KLHL18: variants seen among roughly 807,000 people sequenced by gnomAD.
The protein encoded by KLHL18 is kelch-like protein 18.
In KLHL18, 38 loss-of-function variants were observed where a neutral mutation model predicts 58.5. The ratio of observed to expected loss-of-function variants is 0.65; its 90% CI spans 0.50 to 0.85. KLHL18 has a LOEUF of 0.85. KLHL18 is among the 40% of genes least tolerant of loss of function. KLHL18 has a pLI of 0.00. For synonymous variants in KLHL18, 303 were observed against 301.9 expected, an observed-to-expected ratio of 1.00 and a Z score of -0.04; for missense variants, 624 against 778.4, an observed-to-expected ratio of 0.80 and a Z score of 2.36.
intron 3 of KLHL18, among the ~76,000 whole-genome samples, chr3:47,325,773 CT>C (rs1293020257): frequency 2.2e-3 from 316 of 140,566 alleles, no homozygotes; most frequent in Admixed American, 2.8e-3. Context: ...TATTTTCTTG[CT>C]TTTTTTTTTT....
chr3:47,340,782 T>G (rs1704093146), intron 8 of KLHL18, 106 bp downstream of exon 8: 2 of 1,300,788 alleles, frequency 1.5e-6, no homozygotes, highest in Non-Finnish European at 2.2e-6. Flanking sequence ...AGAGAATGTC[T>G]TACCTTTTTG....
intron 1 of KLHL18, among the ~76,000 whole-genome samples, chr3:47,311,377 A>G (rs2107613033): frequency 6.6e-6 from 1 of 152,192 alleles, no homozygotes; most frequent in East Asian, 1.9e-4. Flanking sequence ...TTACCAAAGG[A>G]ATAGTATGTT....
chr3:47,320,774 C>T (rs1385812007), intron 2 of KLHL18, among the ~76,000 whole-genome samples: 4 of 152,092 alleles, frequency 2.6e-5, no homozygotes, highest in Admixed American at 6.6e-5. Context: ...TTTTAATTAG[C>T]TGGGCATGGT....
At chr3:47,323,896 G>T (rs957218204) in intron 3 of KLHL18, among the ~76,000 whole-genome samples, 2 of 152,142 alleles carry the variant, frequency 1.3e-5, no homozygotes, top group Admixed American at 6.6e-5. Flanking sequence ...GCAGCTTATG[G>T]ACCACACCCG....
At chr3:47,335,462 G>A (rs1240745758) in intron 6 of KLHL18, among the ~76,000 whole-genome samples, 2 of 151,962 alleles carry the variant, frequency 1.3e-5, no homozygotes, top group Admixed American at 1.3e-4. Flanking sequence ...TCCCAACTTG[G>A]GGGCAGTTGG....
chr3:47,307,959 T>C (rs1703188423), intron 1 of KLHL18, among the ~76,000 whole-genome samples: 1 of 152,218 alleles, frequency 6.6e-6, no homozygotes, highest in Non-Finnish European at 1.5e-5. Context: ...TGTTGACATC[T>C]GATAGGGCAG....
At position 47,346,763 on chromosome 3, in the gene KLHL18, T is replaced by A. The variant is rs915439818; in HGVS notation, c.*2822T>A. The A allele has an allele frequency of 6.6e-6, 1 of 152,660 alleles. No homozygotes were observed. The highest frequency in any genetic ancestry group is 2.1e-4 in the South Asian group (1 of 4,830). The allele number at this position is 152,660 out of a possible 1,614,324, so 9.5% of individuals were successfully genotyped here. ...ATCTTAGTTCCTTTTATTTATAGAA[T>A]GCATGTCTTTTGTGTTAAGAAACCA... is the stretch of plus-strand genomic sequence containing the variant. On this transcript the variant is annotated 3_prime_UTR_variant, in exon 10 of 10. Transcript: ENST00000232766.
chr3:47,340,516 G>A (rs1704083592), intron 7 of KLHL18, 56 bp from the exon 8 acceptor site: 1 of 1,611,946 alleles, frequency 6.2e-7, no homozygotes, highest in Non-Finnish European at 8.5e-7. Flanking sequence ...GTGGGCAAGA[G>A]AGGCTGCTCC....
At chr3:47,331,042 A>C (rs1703846839) in intron 4 of KLHL18, among the ~76,000 whole-genome samples, 1 of 150,996 alleles carries the variant, frequency 6.6e-6, no homozygotes, top group Non-Finnish European at 1.5e-5. Flanking sequence ...TAGTATAGAT[A>C]ACTTTTTGAA....
intron 1 of KLHL18, among the ~76,000 whole-genome samples, chr3:47,291,233 T>C (rs1380987199): frequency 1.3e-5 from 2 of 152,240 alleles, no homozygotes; most frequent in African/African-American, 2.4e-5. Context: ...AAATGTGTGT[T>C]CCTAGCCCTT....
intron 1 of KLHL18, among the ~76,000 whole-genome samples, chr3:47,306,548 TTTTTA>T (rs1172359780): frequency 6.6e-6 from 1 of 152,190 alleles, no homozygotes; most frequent in Non-Finnish European, 1.5e-5. Context: ...TTTAGGTGGT[TTTTTA>T]TTTTGTTTAG....
At chr3:47,304,839 C>G (rs193175152) in intron 1 of KLHL18, among the ~76,000 whole-genome samples, 2 of 152,204 alleles carry the variant, frequency 1.3e-5, no homozygotes, top group Admixed American at 1.3e-4. Flanking sequence ...GCATGGGCAA[C>G]ATAGTGAAAT....
At chr3:47,317,902 A>C (rs541320552) in intron 1 of KLHL18, among the ~76,000 whole-genome samples, 1 of 151,884 alleles carries the variant, frequency 6.6e-6, no homozygotes, top group African/African-American at 2.4e-5. Context: ...TGTTTTTGAG[A>C]CTCCATCCCA....
Position 47,330,037 on chromosome 3 carries a change from T to C in KLHL18, c.488T>C (p.Ile163Thr), listed in dbSNP as rs375699960. The change falls in exon 4 of 10, where the codon ATC becomes ACC. Residue 163 changes from isoleucine (I) to threonine (T), a missense_variant. Transcript: ENST00000232766. ...AVLYDAANSF[I>T]HQHFVEVSMS... ...CTGTACGACGCTGCCAACAGCTTCA[T>C]CCACCAGCACTTTGTGGAGGTGTCC... is the stretch of plus-strand genomic sequence containing the variant. The C allele has an allele frequency of 1.2e-6, 2 of 1,614,030 alleles. No individual in the cohort carries two copies. Among genetic ancestry groups the C allele is most frequent in the Non-Finnish European group, 8.5e-7 (1 of 1,180,012 alleles).
chr3:47,333,522 T>C (rs920060873), intron 5 of KLHL18, among the ~76,000 whole-genome samples: 6 of 152,188 alleles, frequency 3.9e-5, no homozygotes, highest in Non-Finnish European at 2.9e-5. Flanking sequence ...AGATGTGCCA[T>C]GTGGGAGCAT....
At chr3:47,336,825 G>C (rs1347904410) in intron 7 of KLHL18, 68 bp downstream of exon 7, 2 of 1,247,778 alleles carry the variant, frequency 1.6e-6, no homozygotes, top group Non-Finnish European at 2.3e-6. Context: ...TGCTAGACGA[G>C]CAGGGGCACA....
intron 1 of KLHL18, among the ~76,000 whole-genome samples, chr3:47,285,648 G>T (rs1440182709): frequency 1.3e-5 from 2 of 152,212 alleles, no homozygotes; most frequent in Non-Finnish European, 2.9e-5. Flanking sequence ...GCGTGGGATG[G>T]TCACAGATAC....
rs754544307 is a variant in KLHL18, at chr3:47,283,016, G to A, written c.51G>A (p.Val17=). Residue 17 remains valine, a synonymous_variant, in exon 1 of 10, where the codon GTG becomes GTA. Transcript: ENST00000232766. ...EELEDLVHFS[V]SELPSRGYGV... is the part of the protein sequence containing the mutation. ...TGGAGGATCTGGTGCACTTCTCCGT[G>A]TCTGAGTTGCCTAGTCGCGGCTACG... 6.2e-7 allele frequency: 1 copy of A among 1,610,052 alleles called. No homozygotes were observed. Among genetic ancestry groups the A allele is most frequent in the East Asian group, 2.2e-5 (1 of 44,708 alleles).
At chr3:47,320,035 ATTT>A (rs546913284) in intron 2 of KLHL18, among the ~76,000 whole-genome samples, 3 of 139,518 alleles carry the variant, frequency 2.2e-5, no homozygotes, top group African/African-American at 2.6e-5. Flanking sequence ...AGACTCCATG[ATTT>A]TTTTTTTTTT....
Sources: allele counts gnomAD v4.1 joint callset (sites outside exome capture counted in the v4.1 genomes callset), GRCh38; gene constraint gnomAD v4.1.1; transcripts MANE v1.5; gene names NCBI Gene and HGNC (gene_info 2026-07-23, HGNC 2026-07-21).